Variants in ADGRB3 observed in about 807,000 individuals in gnomAD.
ADGRB3 encodes adhesion G protein-coupled receptor B3.
A neutral mutation model predicts 193.4 loss-of-function variants in ADGRB3; 37 were observed. The ratio of observed to expected loss-of-function variants is 0.19; its 90% CI spans 0.15 to 0.25. The LOEUF (loss-of-function observed/expected upper bound fraction) is 0.25, where lower values mean the gene tolerates loss of function less well. ADGRB3 is among the 10% of genes least tolerant of loss of function. The pLI, the probability that ADGRB3 is intolerant of heterozygous loss-of-function variation, is 1.00. For missense variants in ADGRB3, 1,637 were observed against 1,852.9 expected, an observed-to-expected ratio of 0.88 and a Z score of 2.14; for synonymous variants, 690 against 644.2, an observed-to-expected ratio of 1.07 and a Z score of -1.08.
intron 17 of ADGRB3, among the ~76,000 whole-genome samples, chr6:69,193,273 G>A (rs1029245831): frequency 6.6e-6 from 1 of 152,086 alleles, no homozygotes; most frequent in African/African-American, 2.4e-5. Context: ...AGAGTAGACA[G>A]GTGTGATATG....
intron 3 of ADGRB3, among the ~76,000 whole-genome samples, chr6:68,861,000 A>G (rs1276106396): frequency 6.6e-6 from 1 of 152,174 alleles, no homozygotes; most frequent in East Asian, 1.9e-4. Flanking sequence ...GACTCATTGC[A>G]TTTAAACTCA....
chr6:68,931,086 C>T (rs1767324231), intron 4 of ADGRB3, among the ~76,000 whole-genome samples: 1 of 151,718 alleles, frequency 6.6e-6, no homozygotes, highest in Non-Finnish European at 1.5e-5. Flanking sequence ...TATGATCCTA[C>T]TTGTATTAAT....
At chr6:69,336,853 A>G (rs145326337) in intron 24 of ADGRB3, among the ~76,000 whole-genome samples, 132 of 152,266 alleles carry the variant, frequency 8.7e-4, no homozygotes, top group African/African-American at 2.5e-3. Flanking sequence ...TAGTGGTCAC[A>G]TAAACTAGGA....
At chr6:69,075,891 C>A in intron 16 of ADGRB3, 104 bp from the exon 17 acceptor site, 4 of 858,034 alleles carry the variant, frequency 4.7e-6, no homozygotes, top group South Asian at 3.3e-5. Flanking sequence ...TATTTCTTAC[C>A]ACAAGATAAG....
intron 13 of ADGRB3, among the ~76,000 whole-genome samples, chr6:69,021,030 T>C (rs572008222): frequency 1.9e-4 from 29 of 152,074 alleles, no homozygotes; most frequent in African/African-American, 6.7e-4. Flanking sequence ...TTGTGAAACA[T>C]GTGAATTGGC....
chr6:68,708,933 G>GA (rs945408900), intron 3 of ADGRB3, among the ~76,000 whole-genome samples: 5 of 151,262 alleles, frequency 3.3e-5, no homozygotes, highest in South Asian at 2.1e-4. Flanking sequence ...ATTGAAATCA[G>GA]AAAAAAAATC....
At chr6:69,204,848 T>C (rs779479) in intron 17 of ADGRB3, among the ~76,000 whole-genome samples, 76,433 of 151,924 alleles carry the variant, frequency 0.5, 21,040 homozygotes, top group African/African-American at 0.72. Flanking sequence ...ATTTATTTTA[T>C]AACCCCAATA....
chr6:68,761,129 G>A (rs751311607), intron 3 of ADGRB3, among the ~76,000 whole-genome samples: 6 of 152,102 alleles, frequency 3.9e-5, no homozygotes, highest in Non-Finnish European at 5.9e-5. Flanking sequence ...AGCTGCTGAC[G>A]GTAGTAAACA....
chr6:69,094,851 A>G (rs554689232), intron 17 of ADGRB3, among the ~76,000 whole-genome samples: 1 of 152,204 alleles, frequency 6.6e-6, no homozygotes, highest in Non-Finnish European at 1.5e-5. Flanking sequence ...ATATGCAAAG[A>G]TCAACCATTT....
Position 68,727,558 on chromosome 6 carries a change from C to A in ADGRB3, c.757+88126C>A, listed in dbSNP as rs547302441. ...AAAGATGTATACCAAGAAATCCATG[C>A]TGGTACATTGTAATTTAACCTCCTA... On this transcript the variant is annotated intron_variant, in intron 3 of 31. Transcript: ENST00000370598. Among the ~76,000 whole-genome samples, 6 of 151,580 alleles carry A rather than the reference C, an allele frequency of 4.0e-5. No homozygotes were observed. The South Asian group carries it at 8.3e-4, about 21-fold the overall frequency.
intron 3 of ADGRB3, among the ~76,000 whole-genome samples, chr6:68,672,617 C>T (rs545692934): frequency 2.0e-5 from 3 of 152,046 alleles, no homozygotes; most frequent in East Asian, 3.9e-4. Flanking sequence ...CAGGAGTGCG[C>T]AATATCTGGG....
chr6:68,926,882 A>G (rs548946815), intron 3 of ADGRB3, among the ~76,000 whole-genome samples: 15 of 152,266 alleles, frequency 9.9e-5, no homozygotes, highest in African/African-American at 3.6e-4. Flanking sequence ...ATCTACTTAC[A>G]TATTCCTGGA....
chr6:69,040,523 A>G (rs572169991), intron 13 of ADGRB3, among the ~76,000 whole-genome samples: 1 of 151,422 alleles, frequency 6.6e-6, no homozygotes, highest in Non-Finnish European at 1.5e-5. Flanking sequence ...GTATACCAAC[A>G]TTATTAAATG....
intron 20 of ADGRB3, among the ~76,000 whole-genome samples, chr6:69,252,020 T>C (rs990030021): frequency 2.0e-5 from 3 of 152,124 alleles, no homozygotes; most frequent in African/African-American, 7.2e-5. Flanking sequence ...TATGGAACGT[T>C]GTCATCACCC....
chr6:69,324,553 A>G (rs905021325), intron 20 of ADGRB3, among the ~76,000 whole-genome samples: 8 of 152,200 alleles, frequency 5.3e-5, no homozygotes, highest in Non-Finnish European at 1.2e-4. Flanking sequence ...AAGAAAAGAG[A>G]ATTTTCATAA....
At chr6:68,894,342 G>A (rs567914385) in intron 3 of ADGRB3, among the ~76,000 whole-genome samples, 21 of 152,056 alleles carry the variant, frequency 1.4e-4, no homozygotes, top group African/African-American at 4.6e-4. Context: ...TGTATGAACT[G>A]TGTAAAGTTC....
chr6:69,211,933 A>G (rs62406836), intron 17 of ADGRB3, among the ~76,000 whole-genome samples: 21,336 of 152,196 alleles, frequency 0.14, 1,525 homozygotes, highest in Admixed American at 0.16. Flanking sequence ...ATTATAAAAT[A>G]AATGCTTAGA....
chr6:69,315,045 G>T (rs536365878), intron 20 of ADGRB3, among the ~76,000 whole-genome samples: 59 of 151,502 alleles, frequency 3.9e-4, no homozygotes, highest in East Asian at 9.7e-4. Flanking sequence ...AACAATAAAG[G>T]CTCATGATTT....
intron 17 of ADGRB3, among the ~76,000 whole-genome samples, chr6:69,172,738 A>C (rs1024506138): frequency 2.0e-5 from 3 of 151,702 alleles, no homozygotes; most frequent in African/African-American, 7.3e-5. Context: ...TTAGAGACAG[A>C]AGCAATAAGA....
Sources: allele counts gnomAD v4.1 joint callset (sites outside exome capture counted in the v4.1 genomes callset), GRCh38; gene constraint gnomAD v4.1.1; transcripts MANE v1.5; gene names NCBI Gene and HGNC (gene_info 2026-07-23, HGNC 2026-07-21).